The following PDE10A variants were observed in gnomAD, a reference collection of about 807,000 sequenced individuals.
The protein encoded by PDE10A is cAMP and cAMP-inhibited cGMP 3',5'-cyclic phosphodiesterase 10A.
PDE10A carries 39 observed loss-of-function variants against 97.7 expected under a neutral mutation model. That is an observed-to-expected ratio of 0.40 (90% CI 0.31 to 0.52). PDE10A has a LOEUF of 0.52. Among genes scored for constraint, PDE10A ranks in the 20% least tolerant of loss-of-function variants. PDE10A has a pLI of 0.56. For missense variants in PDE10A, 731 were observed against 1,047.8 expected, an observed-to-expected ratio of 0.70 and a Z score of 4.17; for synonymous variants, 371 against 376.8, an observed-to-expected ratio of 0.98 and a Z score of 0.18.
At chr6:165,600,514 T>A (rs774832690) in intron 1 of PDE10A, among the ~76,000 whole-genome samples, 3 of 152,232 alleles carry the variant, frequency 2.0e-5, no homozygotes, top group Non-Finnish European at 4.4e-5. Context: ...TTCTGACGTG[T>A]CCTTTCACGT....
At chr6:165,440,699 CTA>C (rs1229500370) in intron 5 of PDE10A, among the ~76,000 whole-genome samples, 8 of 151,984 alleles carry the variant, frequency 5.3e-5, no homozygotes, top group Non-Finnish European at 8.8e-5. Flanking sequence ...ATCTAGGACT[CTA>C]GAGTCATCTA....
At chr6:165,458,352 G>A (rs1246738201) in intron 3 of PDE10A, among the ~76,000 whole-genome samples, 1 of 152,078 alleles carries the variant, frequency 6.6e-6, no homozygotes, top group East Asian at 1.9e-4. Flanking sequence ...ATTAGGTCAG[G>A]AGAATAGAGC....
chr6:165,450,183 G>C, intron 4 of PDE10A, 59 bp downstream of exon 4: 2 of 1,270,890 alleles, frequency 1.6e-6, no homozygotes, highest in Non-Finnish European at 2.1e-6. Flanking sequence ...AGTTTTTGCT[G>C]CTTTTTGTAA....
intron 1 of PDE10A, among the ~76,000 whole-genome samples, chr6:165,634,129 G>A (rs1298505746): frequency 6.6e-6 from 1 of 152,154 alleles, no homozygotes. Context: ...GTCTGGGGTA[G>A]GGCCCAGGAA....
At chr6:165,817,161 C>T (rs183164815) in intron 1 of PDE10A, among the ~76,000 whole-genome samples, 35 of 152,262 alleles carry the variant, frequency 2.3e-4, no homozygotes, top group Non-Finnish European at 4.6e-4. Context: ...TCTCTGCTTG[C>T]CTGTCACATC....
In PDE10A at chr6:165,489,836, T is replaced by C. The variant is rs187530335; in HGVS notation, c.995-7493A>G. ...AGTCTCAGCAATAGAATCAAACAAATAGAAGAACTCCAGAGCTCAAAGAGA... is the reference window on the plus strand; with the variant it reads ...AGTCTCAGCAATAGAATCAAACAAACAGAAGAACTCCAGAGCTCAAAGAGA... On this transcript the variant is annotated intron_variant, in intron 2 of 21. Transcript: ENST00000539869. 1.8e-3 allele frequency among the ~76,000 whole-genome samples: 270 copies of C among 152,012 alleles called. 2 individuals carry two copies. The highest frequency in any genetic ancestry group is 5.9e-3 in the African/African-American group (246 of 41,466).
chr6:165,687,913 C>T (rs901278500), intron 1 of PDE10A, among the ~76,000 whole-genome samples: 2 of 152,178 alleles, frequency 1.3e-5, no homozygotes, highest in African/African-American at 4.8e-5. Flanking sequence ...AGCTTGAGCA[C>T]GCAGAGGTTG....
chr6:165,574,748 T>A (rs1177065531), intron 1 of PDE10A, among the ~76,000 whole-genome samples: 2 of 152,198 alleles, frequency 1.3e-5, no homozygotes, highest in African/African-American at 4.8e-5. Flanking sequence ...TTTACAACTA[T>A]CTCAAACTAA....
At chr6:165,410,939 A>T (rs552470838) in intron 13 of PDE10A, among the ~76,000 whole-genome samples, 1 of 38,510 alleles carries the variant, frequency 2.6e-5, no homozygotes, top group Non-Finnish European at 4.6e-5. Context: ...ATACAAAAAA[A>T]TAGCCGGGCG....
chr6:165,907,260 G>A (rs1490117584), intron 1 of PDE10A, among the ~76,000 whole-genome samples: 1 of 152,240 alleles, frequency 6.6e-6, no homozygotes, highest in East Asian at 1.9e-4. Context: ...CACTGGTCCT[G>A]GTGGGAGATT....
intron 1 of PDE10A, among the ~76,000 whole-genome samples, chr6:165,971,002 G>A (rs759817853): frequency 1.9e-4 from 29 of 152,148 alleles, no homozygotes; most frequent in Middle Eastern, 3.2e-3. Flanking sequence ...ACAAAAATTA[G>A]CTGGGTGTGG....
chr6:165,441,482 T>A (rs577322885), intron 5 of PDE10A, among the ~76,000 whole-genome samples: 9 of 152,306 alleles, frequency 5.9e-5, no homozygotes, highest in Admixed American at 5.2e-4. Flanking sequence ...GGGTAAATGG[T>A]AAATTAAGGT....
At chr6:165,417,319 T>C (rs774419372) in intron 11 of PDE10A, among the ~76,000 whole-genome samples, 3 of 152,240 alleles carry the variant, frequency 2.0e-5, no homozygotes, top group Non-Finnish European at 2.9e-5. Context: ...TGATGATTTA[T>C]GCTTCTTTGC....
intron 20 of PDE10A, among the ~76,000 whole-genome samples, 180 bp downstream of exon 20, chr6:165,339,098 T>C (rs1781822391): frequency 6.6e-6 from 1 of 152,246 alleles, no homozygotes; most frequent in Non-Finnish European, 1.5e-5. Context: ...TTTTTCTTTT[T>C]CTAGTTCTCA....
At chr6:165,967,003 G>T (rs1211694399) in intron 1 of PDE10A, among the ~76,000 whole-genome samples, 1 of 152,298 alleles carries the variant, frequency 6.6e-6, no homozygotes, top group African/African-American at 2.4e-5. Flanking sequence ...ATTTTTTAAA[G>T]AAGAGACAGA....
chr6:165,468,477 T>C (rs901781871), intron 3 of PDE10A, among the ~76,000 whole-genome samples: 5 of 152,170 alleles, frequency 3.3e-5, no homozygotes, highest in Non-Finnish European at 5.9e-5. Flanking sequence ...AACATAACTT[T>C]ATATGCGCTG....
At chr6:165,452,149 C>T (rs1791342543) in intron 3 of PDE10A, among the ~76,000 whole-genome samples, 1 of 152,154 alleles carries the variant, frequency 6.6e-6, no homozygotes, top group African/African-American at 2.4e-5. Flanking sequence ...GGCTCTGGTG[C>T]AGGCCAGGAA....
intron 1 of PDE10A, among the ~76,000 whole-genome samples, chr6:165,875,746 T>TTGTG (rs1554334720): frequency 6.8e-5 from 10 of 147,038 alleles, no homozygotes; most frequent in African/African-American, 2.4e-4. Context: ...TTTTTTTTTT[T>TTGTG]TGTGTGTGTG....
intron 1 of PDE10A, among the ~76,000 whole-genome samples, chr6:165,725,073 G>A (rs1303760061): frequency 6.6e-6 from 1 of 152,184 alleles, no homozygotes; most frequent in Non-Finnish European, 1.5e-5. Context: ...TCAGAGGAGA[G>A]TCCGGCTGCT....
Sources: allele counts gnomAD v4.1 joint callset (sites outside exome capture counted in the v4.1 genomes callset), GRCh38; gene constraint gnomAD v4.1.1; transcripts MANE v1.5; gene names NCBI Gene and HGNC (gene_info 2026-07-23, HGNC 2026-07-21).